COL21A1: variants seen among roughly 807,000 people sequenced by gnomAD.
COL21A1 encodes collagen type XXI alpha 1 chain.
COL21A1 carries 149 observed loss-of-function variants against 137.9 expected under a neutral mutation model. The ratio of observed to expected loss-of-function variants is 1.08; its 90% CI spans 0.95 to 1.24. COL21A1 has a LOEUF of 1.24. Ranked by LOEUF, COL21A1 falls within the 50% of genes most tolerant of loss-of-function variation. COL21A1 has a pLI of 0.00. For missense variants in COL21A1, 1,167 were observed against 1,158.4 expected (o/e 1.01, Z -0.11); for synonymous variants, 456 against 391.5 (o/e 1.16, Z -1.95).
intron 22 of COL21A1, 119 bp from the exon 23 acceptor site, chr6:56,067,449 G>A (rs943399847): frequency 1.9e-5 from 14 of 755,314 alleles, no homozygotes; most frequent in Non-Finnish European, 2.8e-5. Context: ...ACAAGTGCCT[G>A]TATACACAGA....
chr6:56,276,021 C>A (rs1031806379), intron 1 of COL21A1, among the ~76,000 whole-genome samples: 7 of 152,186 alleles, frequency 4.6e-5, no homozygotes, highest in Non-Finnish European at 8.8e-5. Flanking sequence ...TATATACACA[C>A]CACAGAATCC....
At chr6:56,299,230 A>G (rs985940511) in intron 1 of COL21A1, among the ~76,000 whole-genome samples, 5 of 152,162 alleles carry the variant, frequency 3.3e-5, no homozygotes, top group South Asian at 2.1e-4. Flanking sequence ...GACTCTGTGA[A>G]TGGAATGGCT....
At chr6:56,188,603 A>C (rs1410174741) in intron 1 of COL21A1, among the ~76,000 whole-genome samples, 2 of 152,220 alleles carry the variant, frequency 1.3e-5, no homozygotes, top group African/African-American at 4.8e-5. Context: ...TGAAGAGATC[A>C]GTGGACATGC....
chr6:56,285,621 A>G (rs941814925), intron 1 of COL21A1, among the ~76,000 whole-genome samples: 1 of 152,192 alleles, frequency 6.6e-6, no homozygotes, highest in African/African-American at 2.4e-5. Flanking sequence ...GACGACATTT[A>G]TTATATTAAA....
intron 1 of COL21A1, among the ~76,000 whole-genome samples, chr6:56,306,794 G>A (rs1764471860): frequency 6.6e-6 from 1 of 151,848 alleles, no homozygotes; most frequent in African/African-American, 2.4e-5. Flanking sequence ...AGGAGGAGAG[G>A]TGCTCTGATT....
chr6:56,238,430 T>TA (rs548005509), intron 1 of COL21A1, among the ~76,000 whole-genome samples: 7,950 of 91,342 alleles, frequency 0.087, 406 homozygotes, highest in Middle Eastern at 0.11. Flanking sequence ...GCAGTCTTCT[T>TA]AAAAAAAAAA....
At chr6:56,300,742 A>G (rs1184433373) in intron 1 of COL21A1, among the ~76,000 whole-genome samples, 2 of 152,136 alleles carry the variant, frequency 1.3e-5, no homozygotes, top group Admixed American at 6.6e-5. Flanking sequence ...AAGAGGGTAC[A>G]ATTATTCAGT....
intron 1 of COL21A1, among the ~76,000 whole-genome samples, chr6:56,385,718 C>A (rs530315702): frequency 2.6e-5 from 4 of 151,894 alleles, no homozygotes; most frequent in Non-Finnish European, 5.9e-5. Flanking sequence ...GTAGCCACTC[C>A]CCCTCCCTTC....
intron 1 of COL21A1, among the ~76,000 whole-genome samples, chr6:56,310,161 T>C (rs1194150736): frequency 6.6e-6 from 1 of 151,242 alleles, no homozygotes; most frequent in Non-Finnish European, 1.5e-5. Flanking sequence ...ACATCTGTAA[T>C]CAGAAACGCA....
At chr6:56,157,089 A>G (rs1775810946) in intron 9 of COL21A1, 140 bp from the exon 10 acceptor site, 8 of 580,486 alleles carry the variant, frequency 1.4e-5, no homozygotes, top group South Asian at 9.1e-5. Context: ...AAAAAGCCAT[A>G]TTTTAAATGC....
intron 20 of COL21A1, among the ~76,000 whole-genome samples, chr6:56,073,648 G>A (rs1252909334): frequency 6.6e-6 from 1 of 151,366 alleles, no homozygotes; most frequent in Non-Finnish European, 1.5e-5. Context: ...TCGTACCACA[G>A]GATTATATAT....
rs149847043 is a variant in COL21A1 at position 56,177,950 on chromosome 6, TA to T, written c.640+1627del. ...ATATCTTTTCGAGTGTGGATGAAAA[TA>T]TATTTGGCAAGATTTCAATTTTGAT... On this transcript the variant is annotated intron_variant, in intron 3 of 29. Transcript: ENST00000244728. Among the ~76,000 whole-genome samples the T allele has an allele frequency of 8.2e-3, 1,249 of 152,264 alleles. 20 individuals carry two copies. The highest frequency in any genetic ancestry group is 0.029 in the African/African-American group (1,204 of 41,548).
intron 1 of COL21A1, among the ~76,000 whole-genome samples, chr6:56,336,989 C>A (rs1249055883): frequency 6.6e-6 from 1 of 152,180 alleles, no homozygotes; most frequent in African/African-American, 2.4e-5. Context: ...TAAATGTCCA[C>A]AAATCTTCCC....
chr6:56,207,494 C>T (rs948890734), intron 1 of COL21A1, among the ~76,000 whole-genome samples: 4 of 152,024 alleles, frequency 2.6e-5, no homozygotes, highest in Non-Finnish European at 5.9e-5. Context: ...AGGAAGAAGT[C>T]GAGTCCCTGA....
At chr6:56,099,385 C>A (rs1056422474) in intron 17 of COL21A1, among the ~76,000 whole-genome samples, 1 of 150,700 alleles carries the variant, frequency 6.6e-6, no homozygotes, top group Non-Finnish European at 1.5e-5. Flanking sequence ...TACAGGCGCC[C>A]GCCACCACGC....
At chr6:56,240,395 T>C (rs1236602492) in intron 1 of COL21A1, among the ~76,000 whole-genome samples, 5 of 152,190 alleles carry the variant, frequency 3.3e-5, no homozygotes, top group Non-Finnish European at 4.4e-5. Flanking sequence ...GCCTTGATCT[T>C]AGATTCCAGC....
intron 1 of COL21A1, among the ~76,000 whole-genome samples, chr6:56,323,077 C>A (rs892470924): frequency 3.3e-5 from 5 of 151,992 alleles, no homozygotes; most frequent in Non-Finnish European, 7.4e-5. Flanking sequence ...GTACAATGTA[C>A]ACTATTTGCG....
At chr6:56,213,934 G>T (rs1352643278) in intron 1 of COL21A1, among the ~76,000 whole-genome samples, 1 of 152,026 alleles carries the variant, frequency 6.6e-6, no homozygotes, top group African/African-American at 2.4e-5. Flanking sequence ...AATTGTGACT[G>T]GAGGGTGACC....
At chr6:56,138,309 A>G (rs958525544) in intron 12 of COL21A1, among the ~76,000 whole-genome samples, 21 of 149,398 alleles carry the variant, frequency 1.4e-4, no homozygotes, top group African/African-American at 5.1e-4. Flanking sequence ...CTATAATTAT[A>G]AAATATATGC....
Sources: allele counts gnomAD v4.1 joint callset (sites outside exome capture counted in the v4.1 genomes callset), GRCh38; gene constraint gnomAD v4.1.1; transcripts MANE v1.5; gene names NCBI Gene and HGNC (gene_info 2026-07-23, HGNC 2026-07-21).